RUFY3: variants seen among roughly 807,000 people sequenced by gnomAD.
The protein encoded by RUFY3 is RUN and FYVE domain containing 3.
Under a neutral mutation model 84.0 loss-of-function variants are expected in RUFY3, and 34 were observed. The observed-to-expected ratio is 0.40, with a 90% CI of 0.31 to 0.54. RUFY3 has a LOEUF of 0.54. Ranked by LOEUF, RUFY3 falls within the 20% of genes least tolerant of loss-of-function variation. The pLI, the probability that RUFY3 is intolerant of heterozygous loss-of-function variation, is 0.39. For missense variants in RUFY3, 507 were observed against 736.8 expected (o/e 0.69, Z 3.61); for synonymous variants, 242 against 252.9 (o/e 0.96, Z 0.41).
intron 12 of RUFY3, chr4:70,792,980 C>T (rs1432920404): frequency 6.1e-6 from 6 of 985,288 alleles, no homozygotes; most frequent in African/African-American, 3.5e-5. Flanking sequence ...CGAAATTGAA[C>T]TTTCTAAAAC....
intron 1 of RUFY3, among the ~76,000 whole-genome samples, chr4:70,761,860 T>A (rs1725086819): frequency 6.6e-6 from 1 of 152,244 alleles, no homozygotes; most frequent in Non-Finnish European, 1.5e-5. Context: ...TACCCTTTTT[T>A]TCCTACATTG....
chr4:70,762,489 A>G, intron 1 of RUFY3, 30 bp from the exon 2 acceptor site: 1 of 1,575,444 alleles, frequency 6.3e-7, no homozygotes, highest in Non-Finnish European at 8.7e-7. Flanking sequence ...TCTAGTAACC[A>G]GCCTTCATCT....
At chr4:70,738,236 G>T (rs1175681041) in intron 1 of RUFY3, among the ~76,000 whole-genome samples, 1 of 151,522 alleles carries the variant, frequency 6.6e-6, no homozygotes, top group Non-Finnish European at 1.5e-5. Context: ...CGATCTGCCT[G>T]CCTTGGCCTC....
chr4:70,727,459 G>T (rs994750245), intron 1 of RUFY3, among the ~76,000 whole-genome samples: 63 of 147,850 alleles, frequency 4.3e-4, no homozygotes, highest in African/African-American at 1.5e-3. Context: ...AGGTTCAAGC[G>T]ACTCTCCTGC....
chr4:70,778,025 A>G (rs1411159428), intron 7 of RUFY3, among the ~76,000 whole-genome samples: 1 of 152,188 alleles, frequency 6.6e-6, no homozygotes, highest in African/African-American at 2.4e-5. Flanking sequence ...TGAGGTCAAC[A>G]GTTTGAGACC....
At chr4:70,746,654 A>G (rs1722280789) in intron 1 of RUFY3, among the ~76,000 whole-genome samples, 1 of 152,212 alleles carries the variant, frequency 6.6e-6, no homozygotes, top group African/African-American at 2.4e-5. Flanking sequence ...CATTTTATAG[A>G]TAAGGAAAGT....
intron 4 of RUFY3, among the ~76,000 whole-genome samples, chr4:70,766,230 T>C (rs902649710): frequency 6.6e-6 from 1 of 152,180 alleles, no homozygotes. Flanking sequence ...ATAATTCAGG[T>C]CACTGGGTTT....
chr4:70,772,021 G>A (rs886394964), intron 5 of RUFY3, among the ~76,000 whole-genome samples: 18 of 151,736 alleles, frequency 1.2e-4, no homozygotes, highest in Admixed American at 8.5e-4. Flanking sequence ...AAGAGGAGGC[G>A]GTTGGTCTTG....
chr4:70,796,168 C>T (rs1731476669), intron 14 of RUFY3, among the ~76,000 whole-genome samples: 2 of 152,044 alleles, frequency 1.3e-5, no homozygotes, highest in African/African-American at 4.8e-5. Context: ...CACTGCACTC[C>T]AGCCTGGGTG....
chr4:70,791,098 A>G, intron 12 of RUFY3: 1 of 689,264 alleles, frequency 1.5e-6, no homozygotes, highest in South Asian at 1.9e-5. Flanking sequence ...TTTAAAGCAA[A>G]CAGAAAGAGA....
chr4:70,723,298 G>A (rs1170869704), intron 1 of RUFY3, among the ~76,000 whole-genome samples: 1 of 152,106 alleles, frequency 6.6e-6, no homozygotes, highest in Non-Finnish European at 1.5e-5. Flanking sequence ...GGTTAGATGA[G>A]AAAATAACTT....
intron 1 of RUFY3, among the ~76,000 whole-genome samples, chr4:70,715,771 A>G (rs1000813282): frequency 1.3e-5 from 2 of 152,146 alleles, no homozygotes; most frequent in African/African-American, 2.4e-5. Context: ...AGAAGTTTCT[A>G]TTCTGCATTA....
intron 1 of RUFY3, among the ~76,000 whole-genome samples, chr4:70,751,580 C>T (rs1723140333): frequency 6.6e-6 from 1 of 152,112 alleles, no homozygotes; most frequent in African/African-American, 2.4e-5. Flanking sequence ...AGCCTTTGCC[C>T]ATTCTTTTTT....
intron 1 of RUFY3, among the ~76,000 whole-genome samples, chr4:70,750,845 G>T (rs1723017860): frequency 6.6e-6 from 1 of 151,958 alleles, no homozygotes; most frequent in Non-Finnish European, 1.5e-5. Context: ...TAAAATATGT[G>T]GTCTTTTGTG....
chr4:70,708,479 A>G (rs995126564), intron 1 of RUFY3, among the ~76,000 whole-genome samples: 3 of 152,114 alleles, frequency 2.0e-5, no homozygotes, highest in Non-Finnish European at 4.4e-5. Context: ...TTTTTAAAAG[A>G]CTTCTTAATT....
At chr4:70,763,044 C>T (rs1018729960) in intron 2 of RUFY3, among the ~76,000 whole-genome samples, 8 of 152,114 alleles carry the variant, frequency 5.3e-5, no homozygotes, top group Admixed American at 2.6e-4. Context: ...TCAGGTCTCC[C>T]GACTCTTGGG....
chr4:70,767,259 A>ATTTTTTTT lies in RUFY3; in HGVS notation c.573-1256_573-1249dup, dbSNP rs779388140. Among the ~76,000 whole-genome samples, 91 of 49,662 alleles carry ATTTTTTTT rather than the reference A, an allele frequency of 1.8e-3. 1 individual carries two copies. Among genetic ancestry groups the ATTTTTTTT allele is most frequent in the Non-Finnish European group, 2.7e-3 (64 of 23,410 alleles). The allele number at this position is 49,662 out of a possible 152,430, so 32.6% of individuals were successfully genotyped here. ...TGCCACCATGCCCGGCTAATTTTGT[A>ATTTTTTTT]TTTTTTTTTTTTTTTTTTTTTTTTT... is the stretch of plus-strand genomic sequence containing the variant. On this transcript the variant is annotated intron_variant, in intron 4 of 17. Transcript: ENST00000381006.
chr4:70,747,844 G>C (rs1722482060), intron 1 of RUFY3, among the ~76,000 whole-genome samples: 1 of 152,146 alleles, frequency 6.6e-6, no homozygotes, highest in African/African-American at 2.4e-5. Flanking sequence ...GTGAGACCTT[G>C]TCTTTAAAAA....
At position 70,807,678 on chromosome 4, in the gene RUFY3, T is replaced by G. The variant is rs1396277810; in HGVS notation, c.*1019T>G. ...CTGGGACTGGCTTTTTTTTTTTTTTTTTGGCCGGGGAGGGGGTCTCATTGG... is the reference window on the plus strand; with the variant it reads ...CTGGGACTGGCTTTTTTTTTTTTTTGTTGGCCGGGGAGGGGGTCTCATTGG... On this transcript the variant is annotated 3_prime_UTR_variant, in exon 18 of 18. Transcript: ENST00000381006. 2.6e-5 allele frequency among the ~76,000 whole-genome samples: 4 copies of G among 151,146 alleles called. No homozygotes were observed. The highest frequency in any genetic ancestry group is 5.9e-5 in the Non-Finnish European group (4 of 67,726).
Sources: gnomAD v4.1 joint callset for allele counts (sites outside exome capture counted in the v4.1 genomes callset) on GRCh38, gnomAD v4.1.1 for gene constraint, MANE v1.5 for transcripts, NCBI Gene and HGNC (gene_info 2026-07-23, HGNC 2026-07-21) for gene names.